Variants in CDH12 observed in about 807,000 individuals in gnomAD.
The protein encoded by CDH12 is cadherin 12, also known as cadherin-12.
CDH12 carries 41 observed loss-of-function variants against 74.1 expected under a neutral mutation model. The observed-to-expected ratio is 0.55, with a 90% CI of 0.43 to 0.72. The LOEUF is 0.72. Ranked by LOEUF, CDH12 falls within the 30% of genes least tolerant of loss-of-function variation. CDH12 has a pLI of 0.00. For missense variants in CDH12, 945 were observed against 977.2 expected (o/e 0.97, Z 0.44); for synonymous variants, 399 against 355.0 (o/e 1.12, Z -1.39).
intron 5 of CDH12, among the ~76,000 whole-genome samples, chr5:22,044,646 A>G (rs1383638008): frequency 6.6e-6 from 1 of 152,206 alleles, no homozygotes; most frequent in Non-Finnish European, 1.5e-5. Flanking sequence ...GCACGCATAG[A>G]AACAAATCCA....
chr5:22,793,009 C>T (rs1478192635), intron 1 of CDH12, among the ~76,000 whole-genome samples: 1 of 152,092 alleles, frequency 6.6e-6, no homozygotes, highest in Non-Finnish European at 1.5e-5. Flanking sequence ...GACCATGCAC[C>T]CCAAGGTATG....
At chr5:22,604,808 T>C (rs1298187276) in intron 1 of CDH12, among the ~76,000 whole-genome samples, 2 of 152,138 alleles carry the variant, frequency 1.3e-5, no homozygotes, top group African/African-American at 4.8e-5. Context: ...CTTTGGGCTC[T>C]CACTTGCTCC....
chr5:21,879,507 A>G (rs1752128884), intron 6 of CDH12, among the ~76,000 whole-genome samples: 1 of 152,192 alleles, frequency 6.6e-6, no homozygotes, highest in East Asian at 1.9e-4. Flanking sequence ...CAAAAGTTGA[A>G]TTAACTATAC....
At position 22,756,820 on chromosome 5, in the gene CDH12, C is replaced by T. The variant is rs572450574; in HGVS notation, c.-523+96238G>A. Among the ~76,000 whole-genome samples, 35 of 152,036 alleles carry T rather than the reference C, an allele frequency of 2.3e-4. No homozygotes were observed. In the East Asian group the frequency reaches 5.6e-3, roughly 24 times the overall value. Reference sequence around the variant, plus strand: ...ACTAAAAATACAAAACTTAGCCAGGCGTGGTGGCAGATGCCTGTAATCCCA... The same window carrying T: ...ACTAAAAATACAAAACTTAGCCAGGTGTGGTGGCAGATGCCTGTAATCCCA... On this transcript the variant is annotated intron_variant, in intron 1 of 14. Coordinates refer to ENST00000382254, the MANE Select transcript of CDH12 (RefSeq NM_004061.5).
intron 1 of CDH12, among the ~76,000 whole-genome samples, chr5:22,819,962 CAT>C (rs70959759): frequency 8.5e-5 from 12 of 141,076 alleles, no homozygotes; most frequent in African/African-American, 3.2e-4. Context: ...TATATATACA[CAT>C]ATATATACAT....
At chr5:22,747,917 T>C (rs2127029198) in intron 1 of CDH12, among the ~76,000 whole-genome samples, 1 of 152,262 alleles carries the variant, frequency 6.6e-6, no homozygotes, top group African/African-American at 2.4e-5. Flanking sequence ...TTCTGGTAAT[T>C]CAAGAAATGC....
intron 1 of CDH12, among the ~76,000 whole-genome samples, chr5:22,686,849 G>T (rs1426275310): frequency 6.6e-6 from 1 of 152,092 alleles, no homozygotes; most frequent in Non-Finnish European, 1.5e-5. Flanking sequence ...TAACCCAAGG[G>T]TTGTCTGCTC....
At chr5:22,152,927 A>AC (rs1046040740) in intron 4 of CDH12, among the ~76,000 whole-genome samples, 2 of 151,874 alleles carry the variant, frequency 1.3e-5, no homozygotes, top group African/African-American at 4.8e-5. Flanking sequence ...TCCATGTGCA[A>AC]CCCCCTAGGT....
intron 3 of CDH12, among the ~76,000 whole-genome samples, chr5:22,388,968 A>C (rs1742116227): frequency 6.6e-6 from 1 of 152,186 alleles, no homozygotes; most frequent in Non-Finnish European, 1.5e-5. Flanking sequence ...CCATCCTTTA[A>C]AGTTTTTCAA....
At position 22,280,061 on chromosome 5, in the gene CDH12, T is replaced by C. The variant is rs531914431; in HGVS notation, c.-332-67418A>G. On this transcript the variant is annotated intron_variant, in intron 3 of 14. Coordinates refer to ENST00000382254, the MANE Select transcript of CDH12 (RefSeq NM_004061.5). ...CTGTTGTTTCCTGACTTTTTAATGA[T>C]TGCCATTCTAACTGGTGTGAGATGA... Among the ~76,000 whole-genome samples, 5 of 152,298 alleles carry C rather than the reference T, an allele frequency of 3.3e-5. No individual in the cohort carries two copies. The East Asian group carries it at 9.7e-4, about 29-fold the overall frequency.
At chr5:22,243,398 A>T (rs1379919737) in intron 3 of CDH12, among the ~76,000 whole-genome samples, 1 of 152,120 alleles carries the variant, frequency 6.6e-6, no homozygotes, top group East Asian at 1.9e-4. Context: ...ATAATTTTTG[A>T]TATTTATTTT....
intron 5 of CDH12, among the ~76,000 whole-genome samples, chr5:22,066,566 C>T (rs1218783403): frequency 1.3e-5 from 2 of 152,148 alleles, no homozygotes; most frequent in Non-Finnish European, 1.5e-5. Context: ...TCTGTGATTA[C>T]TTCCAAAGTT....
chr5:22,786,926 G>T (rs1203724436), intron 1 of CDH12, among the ~76,000 whole-genome samples: 1 of 151,890 alleles, frequency 6.6e-6, no homozygotes, highest in African/African-American at 2.4e-5. Flanking sequence ...CACCATGTTG[G>T]CCAGGCTGGT....
chr5:22,683,872 A>G (rs142238222), intron 1 of CDH12, among the ~76,000 whole-genome samples: 1 of 152,360 alleles, frequency 6.6e-6, no homozygotes, highest in African/African-American at 2.4e-5. Context: ...AGACATCACA[A>G]GAAGTAACCT....
At chr5:22,801,556 T>C (rs949609369) in intron 1 of CDH12, among the ~76,000 whole-genome samples, 1 of 149,982 alleles carries the variant, frequency 6.7e-6, no homozygotes, top group Admixed American at 6.7e-5. Context: ...GATATAATGC[T>C]TCTATTTTTA....
chr5:21,900,785 T>A (rs1391332493), intron 6 of CDH12, among the ~76,000 whole-genome samples: 3 of 152,072 alleles, frequency 2.0e-5, no homozygotes, highest in Non-Finnish European at 2.9e-5. Context: ...ATTAATGCAA[T>A]GAGAAAAGGA....
At chr5:22,687,067 G>A (rs957293988) in intron 1 of CDH12, among the ~76,000 whole-genome samples, 66 of 152,136 alleles carry the variant, frequency 4.3e-4, no homozygotes, top group Admixed American at 1.4e-3. Context: ...AGGCTAAGGC[G>A]CGTGGATCAC....
intron 4 of CDH12, among the ~76,000 whole-genome samples, chr5:22,206,313 T>C (rs1227785799): frequency 1.3e-5 from 2 of 152,186 alleles, no homozygotes; most frequent in Non-Finnish European, 2.9e-5. Context: ...ATAACTTGCG[T>C]GCCTGTTCTT....
At chr5:22,035,523 CA>C (rs1436537040) in intron 5 of CDH12, among the ~76,000 whole-genome samples, 1 of 151,602 alleles carries the variant, frequency 6.6e-6, no homozygotes, top group Non-Finnish European at 1.5e-5. Context: ...TTATTTAATA[CA>C]ATAAAATAGC....
Sources: allele counts gnomAD v4.1 joint callset (sites outside exome capture counted in the v4.1 genomes callset), GRCh38; gene constraint gnomAD v4.1.1; transcripts MANE v1.5; gene names NCBI Gene and HGNC (gene_info 2026-07-23, HGNC 2026-07-21).